The following ADARB2 variants were observed in gnomAD, a reference collection of about 807,000 sequenced individuals.
ADARB2 encodes inactive double-stranded RNA-specific editase B2.
ADARB2 carries 25 observed loss-of-function variants against 62.2 expected under a neutral mutation model. That is an observed-to-expected ratio of 0.40 (90% CI 0.29 to 0.56). ADARB2 has a LOEUF of 0.56. ADARB2 is among the 20% of genes least tolerant of loss of function. ADARB2 has a pLI of 0.43. For synonymous variants in ADARB2, 572 were observed against 500.8 expected, an observed-to-expected ratio of 1.14 and a Z score of -1.90; for missense variants, 1,071 against 1,077.4, an observed-to-expected ratio of 0.99 and a Z score of 0.08.
chr10:1,342,132 T>C (rs576448103), intron 3 of ADARB2, among the ~76,000 whole-genome samples: 4 of 152,384 alleles, frequency 2.6e-5, no homozygotes, highest in African/African-American at 7.2e-5. Flanking sequence ...CCCAACCTCC[T>C]GCTCACTCTC....
intron 3 of ADARB2, among the ~76,000 whole-genome samples, chr10:1,342,372 A>G (rs547365900): frequency 6.6e-6 from 1 of 152,160 alleles, no homozygotes; most frequent in Non-Finnish European, 1.5e-5. Context: ...GCCTCTGCCC[A>G]ACTACCATGC....
Position 1,200,139 on chromosome 10 carries a change from A to G in ADARB2, c.1691T>C (p.Val564Ala). Residue 564 changes from valine (V) to alanine (A), a missense_variant, in exon 8 of 10, where the codon GTC (valine) becomes GCC (alanine). Val to Ala is a moderately conservative substitution (Grantham distance 64). Coordinates refer to ENST00000381312, the MANE Select transcript of ADARB2 (RefSeq NM_018702.4). ...SCTDKIARWN[V>A]LGLQGALLSH... is the part of the protein sequence containing the mutation. ...CAGGAGCGCGCCCTGCAGCCCCAGG[A>G]CGTTCCACCTGTGGGGAGAGCCAGC... 6.4e-7 allele frequency: 1 copy of G among 1,550,510 alleles called. No individual in the cohort carries two copies.
At chr10:1,265,603 G>A (rs180822431) in intron 4 of ADARB2, among the ~76,000 whole-genome samples, 97 of 134,432 alleles carry the variant, frequency 7.2e-4, no homozygotes, top group African/African-American at 2.6e-3. Flanking sequence ...CCGGAAGACG[G>A]CCTGAGAGGG....
At position 1,494,258 on chromosome 10, in the gene ADARB2, T is replaced by TA. The variant is rs1831660471; in HGVS notation, c.101-115099dup. On this transcript the variant is annotated intron_variant, in intron 1 of 9. Coordinates refer to ENST00000381312, the MANE Select transcript of ADARB2 (RefSeq NM_018702.4). The stretch of plus-strand genomic sequence containing the variant: ...TTAAAATTATGAAGGAATGAGCCCA[T>TA]AGACAATATCCATGTCTCCTGAGAG... Among the ~76,000 whole-genome samples, 5 of 152,324 alleles carry TA rather than the reference T, an allele frequency of 3.3e-5. No individual in the cohort carries two copies. In the South Asian group the frequency reaches 1.0e-3, roughly 32 times the overall value.
chr10:1,400,255 G>A (rs1031071718), intron 1 of ADARB2, among the ~76,000 whole-genome samples: 3 of 152,176 alleles, frequency 2.0e-5, no homozygotes, highest in Non-Finnish European at 4.4e-5. Context: ...CAATTCCACC[G>A]CAGGGCTGAG....
At chr10:1,493,670 G>A (rs1369518462) in intron 1 of ADARB2, among the ~76,000 whole-genome samples, 1 of 138,576 alleles carries the variant, frequency 7.2e-6, no homozygotes, top group African/African-American at 2.7e-5. Context: ...TGTCTTTAAT[G>A]TGCAAAGTAG....
intron 1 of ADARB2, among the ~76,000 whole-genome samples, chr10:1,552,832 G>A (rs906307405): frequency 6.6e-6 from 1 of 152,234 alleles, no homozygotes; most frequent in African/African-American, 2.4e-5. Context: ...GAAATGGAAT[G>A]GATCCTTGTG....
At chr10:1,271,531 A>G (rs1564242606) in intron 3 of ADARB2, among the ~76,000 whole-genome samples, 2 of 152,100 alleles carry the variant, frequency 1.3e-5, no homozygotes, top group African/African-American at 4.8e-5. Flanking sequence ...TCTCTCCACA[A>G]CTTCTTCTCA....
intron 3 of ADARB2, among the ~76,000 whole-genome samples, chr10:1,328,288 A>C (rs1831895591): frequency 6.6e-6 from 1 of 152,246 alleles, no homozygotes; most frequent in African/African-American, 2.4e-5. Context: ...AACGAAGGGC[A>C]GCATCCAGGA....
At position 1,371,091 on chromosome 10, in the gene ADARB2, G is replaced by A. The variant is rs573468126; in HGVS notation, c.188-7174C>T. 9.4e-4 allele frequency among the ~76,000 whole-genome samples: 143 copies of A among 152,274 alleles called. 1 individual carries two copies. Among genetic ancestry groups the A allele is most frequent in the African/African-American group, 3.2e-3 (133 of 41,552 alleles). On this transcript the variant is annotated intron_variant, in intron 2 of 9. Transcript: ENST00000381312. The stretch of plus-strand genomic sequence containing the variant: ...AGTAAGAACAGGATGGTATTGGTAC[G>A]AAGATAGACACATAGACCCACGGAA...
chr10:1,184,740 G>A, intron 9 of ADARB2, 121 bp downstream of exon 9: 1 of 1,141,042 alleles, frequency 8.8e-7, no homozygotes, highest in Non-Finnish European at 1.2e-6. Context: ...CATGTGATGG[G>A]CGCTGTGTCG....
At chr10:1,687,129 C>G (rs910718891) in intron 1 of ADARB2, among the ~76,000 whole-genome samples, 2 of 150,226 alleles carry the variant, frequency 1.3e-5, no homozygotes, top group Non-Finnish European at 2.9e-5. Context: ...TGGGTTCAAG[C>G]GATTCTCCTG....
chr10:1,447,736 C>A (rs1830989400), intron 1 of ADARB2, among the ~76,000 whole-genome samples: 1 of 152,142 alleles, frequency 6.6e-6, no homozygotes, highest in Non-Finnish European at 1.5e-5. Context: ...CTTTCACCTC[C>A]AACCTCAAGC....
chr10:1,333,659 G>A (rs555495597), intron 3 of ADARB2, among the ~76,000 whole-genome samples: 1 of 152,272 alleles, frequency 6.6e-6, no homozygotes, highest in South Asian at 2.1e-4. Flanking sequence ...AAAGGAGGCT[G>A]GGGAAAGAGA....
intron 1 of ADARB2, among the ~76,000 whole-genome samples, chr10:1,647,933 T>A (rs942718973): frequency 9.9e-5 from 15 of 152,048 alleles, no homozygotes; most frequent in African/African-American, 3.1e-4. Context: ...ATTTAGGGTA[T>A]ATCTCGAACT....
At chr10:1,652,153 C>A (rs559635596) in intron 1 of ADARB2, among the ~76,000 whole-genome samples, 1 of 152,204 alleles carries the variant, frequency 6.6e-6, no homozygotes, top group Non-Finnish European at 1.5e-5. Context: ...AAAAGCAAAG[C>A]GGGTCTGTCC....
At chr10:1,211,930 GACA>G (rs1837158444) in intron 7 of ADARB2, among the ~76,000 whole-genome samples, 1 of 152,168 alleles carries the variant, frequency 6.6e-6, no homozygotes, top group Non-Finnish European at 1.5e-5. Flanking sequence ...TGACTTATTT[GACA>G]ACCACCTTTC....
chr10:1,261,542 T>C (rs1479794210), intron 4 of ADARB2, among the ~76,000 whole-genome samples: 1 of 150,136 alleles, frequency 6.7e-6, no homozygotes, highest in East Asian at 1.9e-4. Flanking sequence ...AAAAGACACA[T>C]GAAAAAATGC....
intron 3 of ADARB2, among the ~76,000 whole-genome samples, chr10:1,313,071 G>A (rs1323701801): frequency 6.6e-5 from 10 of 152,148 alleles, no homozygotes; most frequent in South Asian, 4.1e-4. Flanking sequence ...AGTTGGGGCC[G>A]TTCATCCATT....
Sources: gnomAD v4.1 joint callset for allele counts (sites outside exome capture counted in the v4.1 genomes callset) on GRCh38, gnomAD v4.1.1 for gene constraint, MANE v1.5 for transcripts, NCBI Gene and HGNC (gene_info 2026-07-23, HGNC 2026-07-21) for gene names.